Variants in NEK10 observed in about 807,000 individuals in gnomAD.
NEK10 encodes the protein serine/threonine-protein kinase Nek10.
A neutral mutation model predicts 159.8 loss-of-function variants in NEK10; 122 were observed. The ratio of observed to expected loss-of-function variants is 0.76; its 90% CI spans 0.66 to 0.89. NEK10 has a LOEUF of 0.89. Ranked by LOEUF, NEK10 falls within the 40% of genes least tolerant of loss-of-function variation. NEK10 has a pLI of 0.00. For missense variants in NEK10, 1,342 were observed against 1,323.1 expected (o/e 1.01, Z -0.22); for synonymous variants, 466 against 457.1 (o/e 1.02, Z -0.25).
chr3:27,353,620 C>T (rs961669024), intron 1 of NEK10, among the ~76,000 whole-genome samples: 2 of 152,024 alleles, frequency 1.3e-5, no homozygotes, highest in African/African-American at 4.8e-5. Context: ...CAATTAAGAG[C>T]CAGGGACCAA....
intron 35 of NEK10, among the ~76,000 whole-genome samples, chr3:27,114,637 T>C (rs903551766): frequency 1.3e-5 from 2 of 152,212 alleles, no homozygotes; most frequent in Non-Finnish European, 2.9e-5. Flanking sequence ...CAGGATGTTC[T>C]TGAGCCCTCT....
At chr3:27,147,356 C>A (rs1944401352) in intron 30 of NEK10, among the ~76,000 whole-genome samples, 1 of 152,170 alleles carries the variant, frequency 6.6e-6, no homozygotes, top group Admixed American at 6.5e-5. Context: ...CCAACACAGA[C>A]CAGTAGACCA....
Position 27,271,604 on chromosome 3 carries a change from T to G in NEK10, c.2014+12998A>C, listed in dbSNP as rs144963939. ...AGTTAATTTAGATAATAGCAGACAC[T>G]TGGACAGATATCCATAAAAACACAG... On this transcript the variant is annotated intron_variant, in intron 22 of 35. Coordinates refer to ENST00000691995, the MANE Select transcript of NEK10 (RefSeq NM_001394966.1). 1.7e-4 allele frequency among the ~76,000 whole-genome samples: 26 copies of G among 152,282 alleles called. No individual in the cohort carries two copies. The East Asian group carries it at 4.6e-3, about 27-fold the overall frequency.
chr3:27,195,714 G>A (rs1338721521), intron 25 of NEK10, among the ~76,000 whole-genome samples: 1 of 152,174 alleles, frequency 6.6e-6, no homozygotes, highest in African/African-American at 2.4e-5. Flanking sequence ...AATGTTCCAG[G>A]TCTCAGATTA....
intron 23 of NEK10, 28 bp from the exon 24 acceptor site, chr3:27,202,585 T>A (rs1321338749): frequency 6.4e-7 from 1 of 1,552,854 alleles, no homozygotes; most frequent in Non-Finnish European, 8.8e-7. Context: ...CATTAATACA[T>A]GCTAAGGAAG....
intron 20 of NEK10, 73 bp downstream of exon 20, chr3:27,287,625 G>A: frequency 2.0e-6 from 3 of 1,464,942 alleles, no homozygotes; most frequent in Non-Finnish European, 2.7e-6. Flanking sequence ...TTTCTTTTGT[G>A]ACATTCTGAT....
chr3:27,339,550 G>T (rs2047053213), intron 5 of NEK10, among the ~76,000 whole-genome samples: 1 of 152,132 alleles, frequency 6.6e-6, no homozygotes, highest in African/African-American at 2.4e-5. Context: ...GGAGGCTAAG[G>T]TGGAAGGATC....
At chr3:27,248,774 A>G (rs558111472) in intron 23 of NEK10, among the ~76,000 whole-genome samples, 1 of 152,270 alleles carries the variant, frequency 6.6e-6, no homozygotes, top group East Asian at 1.9e-4. Context: ...TTGTGACCTA[A>G]CATATGGTTT....
At chr3:27,336,710 T>C (rs2046827690) in intron 5 of NEK10, among the ~76,000 whole-genome samples, 1 of 152,144 alleles carries the variant, frequency 6.6e-6, no homozygotes, top group African/African-American at 2.4e-5. Flanking sequence ...AGTAAATAAA[T>C]GTTATACATC....
chr3:27,241,041 G>A lies in NEK10; in HGVS notation c.2090+15255C>T, dbSNP rs77285624. Among the ~76,000 whole-genome samples the A allele has an allele frequency of 1.1e-4, 17 of 152,240 alleles. No homozygotes were observed. In the East Asian group the frequency reaches 3.3e-3, roughly 29 times the overall value. On this transcript the variant is annotated intron_variant, in intron 23 of 35. Transcript: ENST00000691995. ...AGTTGGTACAGGGAGTAGCACCCCA[G>A]AACTACAGGGAGGCAGACAGTCTCT...
intron 31 of NEK10, 133 bp downstream of exon 31, chr3:27,141,349 G>A: frequency 1.7e-6 from 1 of 572,242 alleles, no homozygotes; most frequent in Non-Finnish European, 3.0e-6. Flanking sequence ...AAACTAAAGT[G>A]TCCCCACATG....
In NEK10 at chr3:27,108,512, C is replaced by T. The variant is rs773130645; in HGVS notation, c.*2760G>A. 2.6e-5 allele frequency among the ~76,000 whole-genome samples: 4 copies of T among 152,162 alleles called. No individual in the cohort carries two copies. The highest frequency in any genetic ancestry group is 7.2e-5 in the African/African-American group (3 of 41,438). ...AGCTGGTGGGTCGAAACATAATTAA[C>T]GGGAGCATTTGTGTTTCAAAAGTAA... is the stretch of plus-strand genomic sequence containing the variant. On this transcript the variant is annotated 3_prime_UTR_variant, in exon 36 of 36. Transcript: ENST00000691995.
At chr3:27,174,078 C>G (rs1034999459) in intron 28 of NEK10, among the ~76,000 whole-genome samples, 1 of 152,102 alleles carries the variant, frequency 6.6e-6, no homozygotes, top group Non-Finnish European at 1.5e-5. Flanking sequence ...ATACCAGGAC[C>G]AATTTCTTCT....
intron 11 of NEK10, among the ~76,000 whole-genome samples, chr3:27,306,257 G>A (rs1331228795): frequency 1.3e-5 from 2 of 152,054 alleles, no homozygotes; most frequent in Non-Finnish European, 1.5e-5. Context: ...TAACCCCACT[G>A]CTCCTCCCAT....
At chr3:27,308,475 T>C (rs564824075) in intron 10 of NEK10, among the ~76,000 whole-genome samples, 20 of 152,308 alleles carry the variant, frequency 1.3e-4, no homozygotes, top group South Asian at 4.1e-4. Flanking sequence ...AGAAAAGCAA[T>C]GGTCCACTTA....
chr3:27,193,821 T>C (rs1422563619), intron 25 of NEK10, among the ~76,000 whole-genome samples: 1 of 152,126 alleles, frequency 6.6e-6, no homozygotes, highest in Admixed American at 6.5e-5. Flanking sequence ...ATTATTTTAC[T>C]ATAATGGTCT....
chr3:27,240,156 A>T (rs1018797188), intron 23 of NEK10, among the ~76,000 whole-genome samples: 1 of 152,178 alleles, frequency 6.6e-6, no homozygotes. Flanking sequence ...AAACAAATGG[A>T]TTATGTTCAC....
At chr3:27,256,045 A>G (rs1445286323) in intron 23 of NEK10, among the ~76,000 whole-genome samples, 1 of 152,200 alleles carries the variant, frequency 6.6e-6, no homozygotes, top group African/African-American at 2.4e-5. Context: ...GATCATTGCA[A>G]TTTACAATTG....
At chr3:27,348,177 A>G (rs1360548524) in intron 3 of NEK10, among the ~76,000 whole-genome samples, 1 of 152,202 alleles carries the variant, frequency 6.6e-6, no homozygotes, top group Non-Finnish European at 1.5e-5. Flanking sequence ...TCAAAATATC[A>G]TGATATACCG....
Sources: gnomAD v4.1 joint callset for allele counts (sites outside exome capture counted in the v4.1 genomes callset) on GRCh38, gnomAD v4.1.1 for gene constraint, MANE v1.5 for transcripts, NCBI Gene and HGNC (gene_info 2026-07-23, HGNC 2026-07-21) for gene names.